The following DOK6 variants were observed in gnomAD, a reference collection of about 807,000 sequenced individuals.
The protein encoded by DOK6 is docking protein 6.
In DOK6, 22 loss-of-function variants were observed where a neutral mutation model predicts 44.0. That is an observed-to-expected ratio of 0.50 (90% CI 0.36 to 0.71). The LOEUF is 0.71. Ranked by LOEUF, DOK6 falls within the 30% of genes least tolerant of loss-of-function variation. The probability of loss-of-function intolerance (pLI) is 0.00; values close to 1 mark genes in which losing one functional copy is unlikely to be tolerated. For synonymous variants in DOK6, 166 were observed against 145.5 expected (o/e 1.14, Z -1.01); for missense variants, 340 against 416.4 (o/e 0.82, Z 1.60).
At chr18:69,576,460 AT>A (rs1983240965) in intron 2 of DOK6, among the ~76,000 whole-genome samples, 1 of 151,906 alleles carries the variant, frequency 6.6e-6, no homozygotes, top group Non-Finnish European at 1.5e-5. Context: ...TAAATGAGAG[AT>A]TTCTGAAAAA....
At chr18:69,612,568 T>C (rs1465171167) in intron 3 of DOK6, among the ~76,000 whole-genome samples, 1 of 148,014 alleles carries the variant, frequency 6.8e-6, no homozygotes, top group East Asian at 2.0e-4. Flanking sequence ...CTACATTTCC[T>C]TCCATTTTCA....
At chr18:69,747,769 G>T (rs1174196919) in intron 6 of DOK6, among the ~76,000 whole-genome samples, 1 of 152,136 alleles carries the variant, frequency 6.6e-6, no homozygotes, top group African/African-American at 2.4e-5. Flanking sequence ...TTTCTAAGAA[G>T]GATTTAAACC....
chr18:69,706,202 G>A (rs1319940764), intron 5 of DOK6, among the ~76,000 whole-genome samples: 1 of 152,164 alleles, frequency 6.6e-6, no homozygotes, highest in Non-Finnish European at 1.5e-5. Flanking sequence ...GAGAGAAGTA[G>A]CACCTGAAGT....
At chr18:69,575,788 T>C in intron 2 of DOK6, among the ~76,000 whole-genome samples, 1 of 149,594 alleles carries the variant, frequency 6.7e-6, no homozygotes, top group East Asian at 1.9e-4. Context: ...TTGTTTAAAA[T>C]TTTTTATATT....
chr18:69,778,790 T>A (rs1453952061), intron 7 of DOK6, among the ~76,000 whole-genome samples: 1 of 152,182 alleles, frequency 6.6e-6, no homozygotes, highest in Non-Finnish European at 1.5e-5. Flanking sequence ...TGAAGGTCAA[T>A]ATCTGAAGAG....
At chr18:69,695,672 C>T (rs1473028411) in intron 4 of DOK6, among the ~76,000 whole-genome samples, 1 of 152,180 alleles carries the variant, frequency 6.6e-6, no homozygotes, top group East Asian at 1.9e-4. Flanking sequence ...GTGCTGCCTT[C>T]ATCTTTTTGT....
chr18:69,776,862 CA>C lies in DOK6; in HGVS notation c.856+18990del, dbSNP rs1470630220. ...GTAGGCATGTGAAATCTGTATTAGA[CA>C]TGACATCAGTTTGCTTCACTTCTAC... On this transcript the variant is annotated intron_variant, in intron 7 of 7. Transcript: ENST00000382713. Among the ~76,000 whole-genome samples, 9 of 151,988 alleles carry C rather than the reference CA, an allele frequency of 5.9e-5. No homozygotes were observed. The East Asian group carries it at 1.7e-3, about 29-fold the overall frequency.
chr18:69,533,572 A>G (rs1337555106), intron 1 of DOK6, among the ~76,000 whole-genome samples: 1 of 152,166 alleles, frequency 6.6e-6, no homozygotes, highest in Non-Finnish European at 1.5e-5. Context: ...AATGACTAAT[A>G]TGGGAAACTC....
At chr18:69,738,083 A>G (rs748134644) in intron 5 of DOK6, among the ~76,000 whole-genome samples, 1 of 152,186 alleles carries the variant, frequency 6.6e-6, no homozygotes, top group South Asian at 2.1e-4. Context: ...TGCTGGCTCT[A>G]TAGGGCCCTA....
At chr18:69,499,812 G>A (rs1436884448) in intron 1 of DOK6, among the ~76,000 whole-genome samples, 1 of 152,114 alleles carries the variant, frequency 6.6e-6, no homozygotes, top group East Asian at 1.9e-4. Flanking sequence ...TTTATTAGTT[G>A]TAGTTATATT....
At chr18:69,650,114 A>G (rs1393392591) in intron 3 of DOK6, among the ~76,000 whole-genome samples, 3 of 152,082 alleles carry the variant, frequency 2.0e-5, no homozygotes, top group South Asian at 2.1e-4. Context: ...CCTACTGTCT[A>G]TTGTTCTTAG....
intron 4 of DOK6, among the ~76,000 whole-genome samples, chr18:69,680,411 C>G (rs937025338): frequency 2.6e-5 from 4 of 152,202 alleles, no homozygotes; most frequent in Non-Finnish European, 5.9e-5. Flanking sequence ...TCTGCACCCC[C>G]CTCTTTAAAG....
At chr18:69,751,043 G>A (rs1311675473) in intron 6 of DOK6, among the ~76,000 whole-genome samples, 2 of 152,026 alleles carry the variant, frequency 1.3e-5, no homozygotes, top group Non-Finnish European at 2.9e-5. Context: ...CTTATAAATG[G>A]AATCTAAATC....
At position 69,417,115 on chromosome 18, in the gene DOK6, T is replaced by G. The variant is rs370445699; in HGVS notation, c.66+15805T>G. 2.3e-3 allele frequency among the ~76,000 whole-genome samples: 349 copies of G among 152,270 alleles called. 1 individual carries two copies. The highest frequency in any genetic ancestry group is 8.2e-3 in the African/African-American group (339 of 41,580). ...CTACTCTTCTAGTTCTTTTGAAATATACAATAAATTATTAACTTTACTATA... is the reference window on the plus strand; with the variant it reads ...CTACTCTTCTAGTTCTTTTGAAATAGACAATAAATTATTAACTTTACTATA... On this transcript the variant is annotated intron_variant, in intron 1 of 7. Coordinates refer to ENST00000382713, the MANE Select transcript of DOK6 (RefSeq NM_152721.6).
rs185633826 is a variant in DOK6, at chr18:69,549,077, A to T, written c.67-15410A>T. On this transcript the variant is annotated intron_variant, in intron 1 of 7. Coordinates refer to ENST00000382713, the MANE Select transcript of DOK6 (RefSeq NM_152721.6). ...CGCCACTGCACATCAGCCTGGGTGA[A>T]AGAGTGAGACTCCGTCTCAAAAAAA... 4.1e-3 allele frequency among the ~76,000 whole-genome samples: 590 copies of T among 145,478 alleles called. 8 individuals carry two copies. Among genetic ancestry groups the T allele is most frequent in the African/African-American group, 0.013 (548 of 40,634 alleles).
At chr18:69,593,612 C>T (rs180765876) in intron 2 of DOK6, among the ~76,000 whole-genome samples, 2 of 152,310 alleles carry the variant, frequency 1.3e-5, no homozygotes, top group Non-Finnish European at 2.9e-5. Flanking sequence ...GTTTGACCTA[C>T]ATCATCTGTC....
intron 3 of DOK6, among the ~76,000 whole-genome samples, chr18:69,636,033 A>G (rs1393824172): frequency 6.6e-6 from 1 of 152,218 alleles, no homozygotes; most frequent in Non-Finnish European, 1.5e-5. Flanking sequence ...GTATGGAAGA[A>G]TGGTGAGTAG....
At chr18:69,510,557 A>G (rs1341417182) in intron 1 of DOK6, among the ~76,000 whole-genome samples, 1 of 152,170 alleles carries the variant, frequency 6.6e-6, no homozygotes, top group Admixed American at 6.5e-5. Context: ...AATTTTTTCT[A>G]TGATTTTATG....
At chr18:69,489,382 C>A (rs1980672599) in intron 1 of DOK6, among the ~76,000 whole-genome samples, 1 of 152,104 alleles carries the variant, frequency 6.6e-6, no homozygotes, top group South Asian at 2.1e-4. Flanking sequence ...AGTGATGGAC[C>A]ATGGGCCAGG....
Sources: allele counts gnomAD v4.1 joint callset (sites outside exome capture counted in the v4.1 genomes callset), GRCh38; gene constraint gnomAD v4.1.1; transcripts MANE v1.5; gene names NCBI Gene and HGNC (gene_info 2026-07-23, HGNC 2026-07-21).